MYO16: variants seen among roughly 807,000 people sequenced by gnomAD.
MYO16 encodes unconventional myosin-XVI.
MYO16 carries 94 observed loss-of-function variants against 205.3 expected under a neutral mutation model. The observed-to-expected ratio is 0.46, with a 90% CI of 0.39 to 0.54. The LOEUF is 0.54. MYO16 is among the 20% of genes least tolerant of loss of function. MYO16 has a pLI of 0.00. For missense variants in MYO16, 2,315 were observed against 2,387.5 expected, an observed-to-expected ratio of 0.97 and a Z score of 0.63; for synonymous variants, 988 against 954.0, an observed-to-expected ratio of 1.04 and a Z score of -0.66.
intron 4 of MYO16, among the ~76,000 whole-genome samples, chr13:108,768,784 A>C (rs1885863967): frequency 6.6e-6 from 1 of 152,158 alleles, no homozygotes; most frequent in African/African-American, 2.4e-5. Context: ...CTGAACACTC[A>C]GCCATTCCAA....
intron 9 of MYO16, among the ~76,000 whole-genome samples, chr13:108,833,055 A>G (rs1876711577): frequency 6.6e-6 from 1 of 152,164 alleles, no homozygotes; most frequent in Admixed American, 6.6e-5. Flanking sequence ...TCATATATAC[A>G]TAAAACTACT....
chr13:109,021,172 T>C (rs897011234), intron 23 of MYO16, among the ~76,000 whole-genome samples: 1 of 152,166 alleles, frequency 6.6e-6, no homozygotes, highest in Non-Finnish European at 1.5e-5. Flanking sequence ...CCATTCTACC[T>C]ATTTAAGTAG....
intron 29 of MYO16, among the ~76,000 whole-genome samples, chr13:109,121,895 G>C (rs1032925906): frequency 2.0e-5 from 3 of 152,182 alleles, no homozygotes; most frequent in Non-Finnish European, 4.4e-5. Flanking sequence ...GCTAACTCTT[G>C]GTAAAGGAGG....
At chr13:109,073,099 A>G (rs1384003733) in intron 27 of MYO16, among the ~76,000 whole-genome samples, 1 of 139,874 alleles carries the variant, frequency 7.1e-6, no homozygotes, top group African/African-American at 2.6e-5. Flanking sequence ...GAGTGAAATT[A>G]TGGAATATCT....
intron 27 of MYO16, among the ~76,000 whole-genome samples, chr13:109,096,055 TCAGC>T (rs1414659022): frequency 1.3e-5 from 2 of 152,210 alleles, no homozygotes; most frequent in Non-Finnish European, 2.9e-5. Flanking sequence ...CAATTCCAGC[TCAGC>T]CACTTTCCTC....
At chr13:108,961,464 A>T in intron 17 of MYO16, 75 bp from the exon 18 acceptor site, 1 of 1,173,798 alleles carries the variant, frequency 8.5e-7, no homozygotes, top group Non-Finnish European at 1.3e-6. Flanking sequence ...ACTTACTTTT[A>T]GATATTTAAA....
the MYO16 span, among the ~76,000 whole-genome samples, chr13:108,560,599 A>G: frequency 1.3e-5 from 2 of 152,184 alleles, no homozygotes; most frequent in African/African-American, 4.8e-5. Flanking sequence ...TTAAATTTGG[A>G]TATCTAAAGA....
intron 1 of MYO16, among the ~76,000 whole-genome samples, chr13:108,616,212 A>G (rs1289686143): frequency 6.6e-6 from 1 of 152,184 alleles, no homozygotes; most frequent in Non-Finnish European, 1.5e-5. Flanking sequence ...CTAGTTTTTA[A>G]ATTGAATATT....
chr13:108,806,385 T>G (rs1034737933), intron 6 of MYO16, among the ~76,000 whole-genome samples: 2 of 152,184 alleles, frequency 1.3e-5, no homozygotes, highest in African/African-American at 4.8e-5. Flanking sequence ...ATTCTGTATT[T>G]TAAAATATTC....
intron 3 of MYO16, among the ~76,000 whole-genome samples, chr13:108,719,949 G>T (rs867584852): frequency 6.6e-6 from 1 of 152,132 alleles, no homozygotes; most frequent in Non-Finnish European, 1.5e-5. Flanking sequence ...TGATGAAGGA[G>T]ATTGGTTTAC....
chr13:108,581,462 T>C, the MYO16 span, among the ~76,000 whole-genome samples: 2 of 152,190 alleles, frequency 1.3e-5, no homozygotes, highest in African/African-American at 4.8e-5. Flanking sequence ...TTTTTCTACT[T>C]ATATCTCTCG....
chr13:108,901,367 C>T lies in MYO16; in HGVS notation c.1777+3234C>T, dbSNP rs149309652. Among the ~76,000 whole-genome samples the T allele has an allele frequency of 7.8e-3, 1,181 of 152,198 alleles. 13 individuals are homozygous for T. Among genetic ancestry groups the T allele is most frequent in the African/African-American group, 0.027 (1,137 of 41,512 alleles). On this transcript the variant is annotated intron_variant, in intron 15 of 34. Transcript: ENST00000457511. ...AACCTGCTGACATGTGATGTCTCCC[C>T]CAGACACCCAGCTTTAAATTTTCTC...
At chr13:108,636,355 T>TG (rs1402041651) in intron 1 of MYO16, among the ~76,000 whole-genome samples, 62 of 34,978 alleles carry the variant, frequency 1.8e-3, no homozygotes, top group Non-Finnish European at 2.7e-3. Flanking sequence ...CCTTTTTTTT[T>TG]TTTTTTTTTT....
chr13:108,924,551 A>C (rs1474734775), intron 16 of MYO16, among the ~76,000 whole-genome samples: 1 of 152,232 alleles, frequency 6.6e-6, no homozygotes, highest in Non-Finnish European at 1.5e-5. Context: ...ATGATTCCTG[A>C]GTACGAATGG....
intron 16 of MYO16, among the ~76,000 whole-genome samples, chr13:108,947,537 C>T (rs777580013): frequency 4.6e-5 from 7 of 152,192 alleles, no homozygotes; most frequent in Admixed American, 6.5e-5. Context: ...CACAGCTTCA[C>T]TCACTGAAAT....
the MYO16 span, among the ~76,000 whole-genome samples, chr13:108,557,037 G>T: frequency 0.044 from 6,677 of 152,086 alleles, 436 homozygotes; most frequent in African/African-American, 0.15. Flanking sequence ...TACCATAGCC[G>T]CCTATTATTT....
At chr13:108,868,017 T>A (rs1878807607) in intron 12 of MYO16, among the ~76,000 whole-genome samples, 1 of 152,208 alleles carries the variant, frequency 6.6e-6, no homozygotes, top group South Asian at 2.1e-4. Context: ...TTATTGTATT[T>A]TGTATGGCTG....
At chr13:108,681,711 C>A (rs7995797) in intron 2 of MYO16, among the ~76,000 whole-genome samples, 1,952 of 152,100 alleles carry the variant, frequency 0.013, 38 homozygotes, top group African/African-American at 0.042. Flanking sequence ...GAGAGAGAGC[C>A]AGAGTTTTGT....
chr13:109,020,594 A>G (rs1368215687), intron 23 of MYO16, among the ~76,000 whole-genome samples: 1 of 152,196 alleles, frequency 6.6e-6, no homozygotes, highest in East Asian at 1.9e-4. Context: ...TAAGCTTGAT[A>G]TATCTTCCTT....
Sources: allele counts gnomAD v4.1 joint callset (sites outside exome capture counted in the v4.1 genomes callset), GRCh38; gene constraint gnomAD v4.1.1; transcripts MANE v1.5; gene names NCBI Gene and HGNC (gene_info 2026-07-23, HGNC 2026-07-21).